The following KCNQ5 variants were observed in gnomAD, a reference collection of about 807,000 sequenced individuals.
The protein encoded by KCNQ5 is potassium voltage-gated channel subfamily KQT member 5.
A neutral mutation model predicts 98.2 loss-of-function variants in KCNQ5; 30 were observed. That is an observed-to-expected ratio of 0.31 (90% CI 0.23 to 0.41). The LOEUF is 0.41. KCNQ5 is among the 10% of genes least tolerant of loss of function. The probability of loss-of-function intolerance (pLI) is 1.00; values close to 1 mark genes in which losing one functional copy is unlikely to be tolerated. For missense variants in KCNQ5, 835 were observed against 1,182.5 expected, an observed-to-expected ratio of 0.71 and a Z score of 4.31; for synonymous variants, 458 against 449.4, an observed-to-expected ratio of 1.02 and a Z score of -0.24.
chr6:72,706,157 A>G (rs1769068213), intron 1 of KCNQ5, among the ~76,000 whole-genome samples: 1 of 152,022 alleles, frequency 6.6e-6, no homozygotes, highest in African/African-American at 2.4e-5. Context: ...TTTTCTTTTT[A>G]TCATGAATTA....
chr6:73,168,832 A>G (rs982837358), intron 10 of KCNQ5, among the ~76,000 whole-genome samples: 1 of 152,250 alleles, frequency 6.6e-6, no homozygotes, highest in African/African-American at 2.4e-5. Context: ...AATACAGGCA[A>G]GCAAAAACAA....
chr6:73,139,743 T>A (rs16883380), intron 10 of KCNQ5, among the ~76,000 whole-genome samples: 2 of 152,244 alleles, frequency 1.3e-5, no homozygotes, highest in Admixed American at 1.3e-4. Context: ...TAATCCTTCC[T>A]CACATACAGT....
At chr6:72,821,002 G>A (rs559456513) in intron 1 of KCNQ5, among the ~76,000 whole-genome samples, 16 of 152,188 alleles carry the variant, frequency 1.1e-4, no homozygotes, top group Admixed American at 2.0e-4. Flanking sequence ...AAAGCATGTT[G>A]TGACATGGAT....
intron 1 of KCNQ5, among the ~76,000 whole-genome samples, chr6:72,629,932 G>A (rs909453704): frequency 6.6e-6 from 1 of 152,080 alleles, no homozygotes; most frequent in South Asian, 2.1e-4. Context: ...TTAATCCTTT[G>A]CAATCAGTGT....
In KCNQ5 at chr6:73,041,817, G is replaced by A. The variant is rs1413986736; in HGVS notation, c.490-119G>A. On this transcript the variant is annotated intron_variant, in intron 2 of 13. Coordinates refer to ENST00000370398, the MANE Select transcript of KCNQ5 (RefSeq NM_019842.4). Reference sequence around the variant, plus strand: ...GAGAAAGGAAATGTTCTTAACTTTAGATATTAACAACTAGATCCTTTAGAC... The same window carrying A: ...GAGAAAGGAAATGTTCTTAACTTTAAATATTAACAACTAGATCCTTTAGAC... 1.0e-5 allele frequency: 11 copies of A among 1,076,932 alleles called. No homozygotes were observed. The East Asian group carries it at 2.4e-4, about 23-fold the overall frequency. 66.7% of individuals were successfully genotyped at this position (1,076,932 alleles called of 1,614,324 possible).
chr6:72,945,199 A>AATATAATT (rs1766479948), intron 1 of KCNQ5, among the ~76,000 whole-genome samples: 1 of 152,196 alleles, frequency 6.6e-6, no homozygotes, highest in Non-Finnish European at 1.5e-5. Context: ...TTTATAAAAA[A>AATATAATT]ATATAATTTC....
At chr6:73,082,518 G>GA (rs1002415845) in intron 5 of KCNQ5, among the ~76,000 whole-genome samples, 1 of 151,728 alleles carries the variant, frequency 6.6e-6, no homozygotes, top group East Asian at 1.9e-4. Context: ...CTGGAATGAG[G>GA]AAAAAAAATG....
At chr6:73,032,167 A>T (rs1771180888) in intron 2 of KCNQ5, among the ~76,000 whole-genome samples, 1 of 152,194 alleles carries the variant, frequency 6.6e-6, no homozygotes, top group Non-Finnish European at 1.5e-5. Flanking sequence ...TAGCTCTCTA[A>T]ATAGAAATAC....
At chr6:72,843,906 A>G (rs1346951065) in intron 1 of KCNQ5, among the ~76,000 whole-genome samples, 1 of 152,014 alleles carries the variant, frequency 6.6e-6, no homozygotes, top group Non-Finnish European at 1.5e-5. Flanking sequence ...GAAGCTGGAA[A>G]CCATCATTCT....
intron 2 of KCNQ5, among the ~76,000 whole-genome samples, chr6:73,024,925 A>G (rs567727883): frequency 6.6e-6 from 1 of 152,340 alleles, no homozygotes; most frequent in East Asian, 1.9e-4. Context: ...AAAGATTTCA[A>G]TTAAGTAATA....
chr6:72,927,961 A>G (rs544371988), intron 1 of KCNQ5, among the ~76,000 whole-genome samples: 119 of 152,232 alleles, frequency 7.8e-4, no homozygotes, highest in Middle Eastern at 3.4e-3. Context: ...CATTACAGGA[A>G]GAAAAACATG....
chr6:72,886,318 ATG>A (rs1778840542), intron 1 of KCNQ5, among the ~76,000 whole-genome samples: 1 of 152,176 alleles, frequency 6.6e-6, no homozygotes, highest in Admixed American at 6.6e-5. Context: ...ATGTGTATGT[ATG>A]TGTGTGTGCC....
At chr6:72,840,011 C>A (rs997778430) in intron 1 of KCNQ5, among the ~76,000 whole-genome samples, 4 of 152,170 alleles carry the variant, frequency 2.6e-5, no homozygotes, top group Non-Finnish European at 4.4e-5. Flanking sequence ...TATTTCCCTT[C>A]CCTCCCAACC....
At chr6:72,865,040 A>G (rs1354962114) in intron 1 of KCNQ5, among the ~76,000 whole-genome samples, 1 of 152,232 alleles carries the variant, frequency 6.6e-6, no homozygotes, top group Non-Finnish European at 1.5e-5. Flanking sequence ...TAAGGCCTAC[A>G]TTACATCAGT....
rs190749422 is a variant in KCNQ5 at position 72,795,167 on chromosome 6, G to T, written c.398+172580G>T. On this transcript the variant is annotated intron_variant, in intron 1 of 13. Transcript: ENST00000370398. ...TTCTTTTTCCAAAAATTAAAAAAAG[G>T]GGGGAGTGCGTGTCTTATTGAACCA... is the stretch of plus-strand genomic sequence containing the variant. 7.9e-5 allele frequency among the ~76,000 whole-genome samples: 12 copies of T among 152,248 alleles called. No individual in the cohort carries two copies. The East Asian group carries it at 9.6e-4, about 12-fold the overall frequency.
chr6:72,862,724 C>T (rs1050924762), intron 1 of KCNQ5, among the ~76,000 whole-genome samples: 4 of 151,980 alleles, frequency 2.6e-5, no homozygotes, highest in African/African-American at 7.3e-5. Context: ...ACCTCCTGAG[C>T]TCAAGCAATC....
chr6:72,705,721 A>AATT, intron 1 of KCNQ5, among the ~76,000 whole-genome samples: 1 of 152,154 alleles, frequency 6.6e-6, no homozygotes, highest in East Asian at 1.9e-4. Flanking sequence ...GAAAATTTCA[A>AATT]AGCAATTATC....
intron 1 of KCNQ5, among the ~76,000 whole-genome samples, chr6:72,926,403 T>C (rs1258554162): frequency 6.6e-6 from 1 of 152,196 alleles, no homozygotes. Context: ...CCCTTCTCTC[T>C]ATCTGGCACT....
chr6:72,795,918 T>A (rs1774309816), intron 1 of KCNQ5, among the ~76,000 whole-genome samples: 1 of 152,160 alleles, frequency 6.6e-6, no homozygotes, highest in Admixed American at 6.6e-5. Flanking sequence ...CTATTTCTCC[T>A]AATTATTACA....
Sources: gnomAD v4.1 joint callset for allele counts (sites outside exome capture counted in the v4.1 genomes callset) on GRCh38, gnomAD v4.1.1 for gene constraint, MANE v1.5 for transcripts, NCBI Gene and HGNC (gene_info 2026-07-23, HGNC 2026-07-21) for gene names.